Variants in LMTK2 observed in about 807,000 individuals in gnomAD.
LMTK2 encodes lemur tail kinase 2.
LMTK2 carries 37 observed loss-of-function variants against 127.5 expected under a neutral mutation model. That is an observed-to-expected ratio of 0.29 (90% CI 0.22 to 0.38). The LOEUF (loss-of-function observed/expected upper bound fraction) is 0.38, where lower values mean the gene tolerates loss of function less well. Among genes scored for constraint, LMTK2 ranks in the 10% least tolerant of loss-of-function variants. The pLI is 1.00. For missense variants in LMTK2, 1,694 were observed against 1,920.3 expected, an observed-to-expected ratio of 0.88 and a Z score of 2.20; for synonymous variants, 819 against 810.1, an observed-to-expected ratio of 1.01 and a Z score of -0.19.
intron 2 of LMTK2, among the ~76,000 whole-genome samples, chr7:98,137,815 G>A (rs1226199567): frequency 2.0e-5 from 3 of 152,232 alleles, no homozygotes; most frequent in Non-Finnish European, 2.9e-5. Context: ...GTGAAGCGTG[G>A]TGATTGAATT....
intron 7 of LMTK2, among the ~76,000 whole-genome samples, chr7:98,177,956 G>A (rs962889646): frequency 6.6e-6 from 1 of 152,218 alleles, no homozygotes; most frequent in African/African-American, 2.4e-5. Context: ...CCCTTCGGAA[G>A]CTTAAGTCTT....
chr7:98,202,029 C>A (rs933780041), intron 11 of LMTK2, among the ~76,000 whole-genome samples: 1 of 152,190 alleles, frequency 6.6e-6, no homozygotes, highest in Non-Finnish European at 1.5e-5. Context: ...TTCTGCCCCA[C>A]GCCCTGTCTC....
chr7:98,141,289 A>T, intron 2 of LMTK2, 108 bp from the exon 3 acceptor site: 1 of 1,078,020 alleles, frequency 9.3e-7, no homozygotes, highest in Non-Finnish European at 1.4e-6. Flanking sequence ...CATTAAGTAC[A>T]AACTGGAAAA....
chr7:98,154,962 C>A, intron 5 of LMTK2, 86 bp downstream of exon 5: 2 of 759,982 alleles, frequency 2.6e-6, no homozygotes, highest in Non-Finnish European at 4.6e-6. Flanking sequence ...GGATTTCTGC[C>A]TGTAACATAC....
intron 5 of LMTK2, among the ~76,000 whole-genome samples, chr7:98,157,254 TA>T (rs1796938366): frequency 8.5e-4 from 2 of 2,358 alleles, no homozygotes; most frequent in Non-Finnish European, 7.4e-4. Flanking sequence ...CCTGTCTCGG[TA>T]GGTAGGTAGG....
At chr7:98,146,663 C>T (rs1000379059) in intron 3 of LMTK2, among the ~76,000 whole-genome samples, 1 of 152,168 alleles carries the variant, frequency 6.6e-6, no homozygotes, top group Admixed American at 6.5e-5. Flanking sequence ...TCAGTCCCAT[C>T]CCTTTATGTT....
chr7:98,182,975 A>G (rs1374347280), intron 7 of LMTK2, among the ~76,000 whole-genome samples: 4 of 152,226 alleles, frequency 2.6e-5, no homozygotes, highest in East Asian at 1.9e-4. Flanking sequence ...TTCAGGCACA[A>G]CTGACCAGCA....
At chr7:98,204,238 G>C (rs116578034) in intron 13 of LMTK2, 52 bp downstream of exon 13, 2 of 1,451,350 alleles carry the variant, frequency 1.4e-6, no homozygotes, top group South Asian at 1.1e-5. Flanking sequence ...GGGGTGGGGC[G>C]CTGCAGCTGG....
intron 1 of LMTK2, among the ~76,000 whole-genome samples, chr7:98,117,675 C>G (rs1464342756): frequency 1.3e-5 from 2 of 152,068 alleles, no homozygotes; most frequent in Non-Finnish European, 2.9e-5. Context: ...ATATGAGAAA[C>G]CAAGATCTGG....
intron 3 of LMTK2, among the ~76,000 whole-genome samples, chr7:98,141,784 A>G (rs570208731): frequency 6.6e-6 from 1 of 152,286 alleles, no homozygotes; most frequent in Non-Finnish European, 1.5e-5. Context: ...ATTCATTGAC[A>G]TTGAACACCT....
At chr7:98,124,758 C>T (rs952906507) in intron 1 of LMTK2, among the ~76,000 whole-genome samples, 7 of 151,548 alleles carry the variant, frequency 4.6e-5, no homozygotes, top group East Asian at 1.9e-4. Context: ...TGATTCCAGC[C>T]GAGGTGACAG....
chr7:98,147,229 CT>C (rs111286597), intron 3 of LMTK2, among the ~76,000 whole-genome samples: 1,635 of 143,754 alleles, frequency 0.011, 19 homozygotes, highest in African/African-American at 0.034. Flanking sequence ...GTTTATGTTA[CT>C]TTTTTTTTTT....
intron 1 of LMTK2, among the ~76,000 whole-genome samples, chr7:98,116,447 C>T (rs772637151): frequency 1.3e-5 from 2 of 151,236 alleles, no homozygotes; most frequent in Non-Finnish European, 3.0e-5. Flanking sequence ...TGTTTGTGTC[C>T]GCGTGTGTGT....
Position 98,181,320 on chromosome 7 carries a change from C to T in LMTK2, c.792-3731C>T, listed in dbSNP as rs1450459975. On this transcript the variant is annotated intron_variant, in intron 7 of 13. Transcript: ENST00000297293. ...AGAGATGGGCTCTCACCCTGCCATC[C>T]AGGCTGGAATAGTGGTGCAATCATA... Among the ~76,000 whole-genome samples, 3 of 152,198 alleles carry T rather than the reference C, an allele frequency of 2.0e-5. No individual in the cohort carries two copies. The East Asian group carries it at 5.8e-4, about 29-fold the overall frequency.
Position 98,191,764 on chromosome 7 carries a change from A to C in LMTK2, c.1299A>C (p.Thr433=), listed in dbSNP as rs1797528368. ...EQQWNALKPN[T]NSRDSSNNAA... is the part of the protein sequence containing the mutation. ...AGTGGAACGCTCTGAAGCCGAACAC[A>C]AACAGCAGAGACTCCTCCAACAATG... Residue 433 remains threonine, a synonymous_variant, in exon 11 of 14, where the codon ACA becomes ACC. Transcript: ENST00000297293. The C allele has an allele frequency of 6.2e-7, 1 of 1,614,172 alleles. No homozygotes were observed. Among genetic ancestry groups the C allele is most frequent in the East Asian group, 2.2e-5 (1 of 44,868 alleles).
At chr7:98,139,136 TC>T (rs1796640447) in intron 2 of LMTK2, among the ~76,000 whole-genome samples, 1 of 152,190 alleles carries the variant, frequency 6.6e-6, no homozygotes. Flanking sequence ...TTTCTTCTTT[TC>T]TTTTTTCAGA....
At chr7:98,203,904 G>A (rs377442488) in intron 12 of LMTK2, 40 bp from the exon 13 acceptor site, 16 of 1,608,238 alleles carry the variant, frequency 9.9e-6, no homozygotes, top group Non-Finnish European at 1.4e-5. Context: ...CCCTCATCAC[G>A]CAGTGATAAA....
At chr7:98,163,642 G>C (rs1797046587) in intron 6 of LMTK2, among the ~76,000 whole-genome samples, 1 of 152,218 alleles carries the variant, frequency 6.6e-6, no homozygotes, top group African/African-American at 2.4e-5. Flanking sequence ...AGAACGGTCA[G>C]GTAGCACCAG....
At chr7:98,164,471 A>G (rs995759009) in intron 6 of LMTK2, among the ~76,000 whole-genome samples, 2 of 152,216 alleles carry the variant, frequency 1.3e-5, no homozygotes, top group African/African-American at 4.8e-5. Context: ...GTAAAATGGC[A>G]GTAATACTGT....
Sources: gnomAD v4.1 joint callset for allele counts (sites outside exome capture counted in the v4.1 genomes callset) on GRCh38, gnomAD v4.1.1 for gene constraint, MANE v1.5 for transcripts, NCBI Gene and HGNC (gene_info 2026-07-23, HGNC 2026-07-21) for gene names.